BRD1: variants seen among roughly 807,000 people sequenced by gnomAD.
The protein encoded by BRD1 is bromodomain containing 1.
In BRD1, 24 loss-of-function variants were observed where a neutral mutation model predicts 107.7. The observed-to-expected ratio is 0.22, with a 90% CI of 0.16 to 0.31. The LOEUF is 0.31. Among genes scored for constraint, BRD1 ranks in the 10% least tolerant of loss-of-function variants. The probability of loss-of-function intolerance (pLI) is 1.00; values close to 1 mark genes in which losing one functional copy is unlikely to be tolerated. For missense variants in BRD1, 1,279 were observed against 1,638.6 expected, an observed-to-expected ratio of 0.78 and a Z score of 3.79; for synonymous variants, 744 against 686.1, an observed-to-expected ratio of 1.08 and a Z score of -1.32.
chr22:49,787,252 T>C (rs914278620), intron 8 of BRD1, 138 bp downstream of exon 8: 1 of 1,208,300 alleles, frequency 8.3e-7, no homozygotes, highest in African/African-American at 1.6e-5. Context: ...ACTGCACTGT[T>C]GTCTTCTCTG....
chr22:49,816,338 G>A (rs960967675), intron 2 of BRD1, among the ~76,000 whole-genome samples: 9 of 151,936 alleles, frequency 5.9e-5, no homozygotes, highest in Admixed American at 2.0e-4. Context: ...GCAAGACCCC[G>A]CCTCAATTAA....
chr22:49,818,475 T>C, intron 2 of BRD1: 1 of 846,076 alleles, frequency 1.2e-6, no homozygotes, highest in Non-Finnish European at 1.5e-6. Context: ...GTTTGTCTTT[T>C]CACCCCATGT....
chr22:49,826,765 A>G (rs2060152213), intron 1 of BRD1, among the ~76,000 whole-genome samples: 1 of 152,158 alleles, frequency 6.6e-6, no homozygotes. Context: ...CAGACCCTCA[A>G]AAACAGACAC....
chr22:49,815,760 C>T (rs1034867661), intron 2 of BRD1, among the ~76,000 whole-genome samples: 11 of 152,204 alleles, frequency 7.2e-5, no homozygotes, highest in Non-Finnish European at 1.6e-4. Context: ...TACAGGAGAG[C>T]AGGCGCTCCT....
intron 2 of BRD1, among the ~76,000 whole-genome samples, chr22:49,816,516 C>T (rs887847578): frequency 1.4e-4 from 22 of 152,260 alleles, no homozygotes; most frequent in African/African-American, 4.6e-4. Flanking sequence ...AGGGAGACAA[C>T]GCCTCCCGAC....
intron 4 of BRD1, 140 bp from the exon 5 acceptor site, chr22:49,798,826 G>A (rs2059585939): frequency 1.4e-6 from 2 of 1,431,684 alleles, no homozygotes; most frequent in South Asian, 1.5e-5. Flanking sequence ...TCCACTTAGG[G>A]CTCTGCAACC....
intron 8 of BRD1, among the ~76,000 whole-genome samples, chr22:49,784,157 C>T (rs1398784935): frequency 6.7e-6 from 1 of 149,928 alleles, no homozygotes; most frequent in African/African-American, 2.5e-5. Flanking sequence ...GACATCCCCA[C>T]ACTCTCAAGC....
chr22:49,789,935 C>T (rs540863963), intron 7 of BRD1, among the ~76,000 whole-genome samples: 2 of 152,348 alleles, frequency 1.3e-5, no homozygotes, highest in Admixed American at 6.5e-5. Context: ...ACTTCCCTAA[C>T]CCCTGGTCTA....
At chr22:49,797,283 C>T (rs1209529015) in intron 6 of BRD1, among the ~76,000 whole-genome samples, 1 of 152,228 alleles carries the variant, frequency 6.6e-6, no homozygotes, top group Admixed American at 6.5e-5. Context: ...CTACAACATG[C>T]GCAAACCACG....
At position 49,774,155 on chromosome 22, in the gene BRD1, AAGTT is replaced by A. The variant is rs2059035726; in HGVS notation, c.*74_*77del. 6.9e-7 allele frequency: 1 copy of A among 1,443,710 alleles called. No individual in the cohort carries two copies. Among genetic ancestry groups the A allele is most frequent in the Non-Finnish European group, 9.2e-7 (1 of 1,087,874 alleles). The allele number at this position is 1,443,710 out of a possible 1,614,324, so 89.4% of individuals were successfully genotyped here. A position where few individuals can be genotyped will look rare whatever the true frequency, so the allele number is the denominator to read the frequency against. On this transcript the variant is annotated 3_prime_UTR_variant, in exon 13 of 13. Transcript: ENST00000404760. ...AAGAGCTATAACTAAAAATCAGAAT[AAGTT>A]AAGTTTTGAACAATATACAAACATG...
At chr22:49,780,723 C>T (rs2059190835) in intron 8 of BRD1, among the ~76,000 whole-genome samples, 2 of 152,272 alleles carry the variant, frequency 1.3e-5, no homozygotes, top group African/African-American at 2.4e-5. Flanking sequence ...CTCTCAATCT[C>T]GGCCCTGCCA....
chr22:49,809,101 A>G (rs1016203445), intron 2 of BRD1, among the ~76,000 whole-genome samples: 3 of 150,146 alleles, frequency 2.0e-5, no homozygotes, highest in Admixed American at 2.0e-4. Flanking sequence ...CCTGGGCAAC[A>G]TAGCAAGACT....
rs887649608 is a variant in BRD1, at chr22:49,798,069, T to C, written c.1834A>G (p.Met612Val). The change falls in exon 6 of 13, where the codon ATG (methionine) becomes GTG (valine). Residue 612 changes from methionine to valine, a missense_variant. Coordinates refer to ENST00000404760, the MANE Select transcript of BRD1 (RefSeq NM_001304808.3). ...HIKHPMDFATMRKRLEAQGYK... is the reference protein window; with the variant it reads ...HIKHPMDFATVRKRLEAQGYK... ...CCTTGAGCTTCTAACCGTTTCCTCA[T>C]TGTGGCAAAGTCCATGGGATGTTTA... 6.2e-7 allele frequency: 1 copy of C among 1,613,896 alleles called. No individual in the cohort carries two copies. Among genetic ancestry groups the C allele is most frequent in the Non-Finnish European group, 8.5e-7 (1 of 1,179,850 alleles).
In BRD1 at chr22:49,774,000, G is replaced by A. The variant is rs186733349; in HGVS notation, c.*233C>T. On this transcript the variant is annotated 3_prime_UTR_variant, in exon 13 of 13. Coordinates refer to ENST00000404760, the MANE Select transcript of BRD1 (RefSeq NM_001304808.3). Reference sequence around the variant, plus strand: ...TCAAAGAAAGTGACGCCAGCAGCACGGCCTGGGGACGTGCGACAGACGCAC... The same window carrying A: ...TCAAAGAAAGTGACGCCAGCAGCACAGCCTGGGGACGTGCGACAGACGCAC... 8.8e-4 allele frequency: 361 copies of A among 409,980 alleles called. 1 individual carries two copies. The highest frequency in any genetic ancestry group is 6.8e-3 in the African/African-American group (331 of 48,796). 25.4% of individuals were successfully genotyped at this position (409,980 alleles called of 1,614,324 possible).
At chr22:49,826,070 G>T in intron 1 of BRD1, 1 of 682,612 alleles carries the variant, frequency 1.5e-6, no homozygotes, top group Non-Finnish European at 1.8e-6. Flanking sequence ...ACCACAGCCT[G>T]CAGAGAGCGA....
chr22:49,804,118 C>A, intron 3 of BRD1, 86 bp downstream of exon 3: 1 of 1,280,650 alleles, frequency 7.8e-7, no homozygotes, highest in Non-Finnish European at 1.0e-6. Flanking sequence ...GGGGGCAGCA[C>A]CGTGACCAGC....
intron 2 of BRD1, among the ~76,000 whole-genome samples, chr22:49,818,757 G>A (rs2060005181): frequency 6.6e-6 from 1 of 151,766 alleles, no homozygotes; most frequent in African/African-American, 2.4e-5. Context: ...GTGGTGGTGG[G>A]CGCCTGTGGT....
At chr22:49,797,069 A>G (rs1457372947) in intron 6 of BRD1, among the ~76,000 whole-genome samples, 1 of 152,198 alleles carries the variant, frequency 6.6e-6, no homozygotes, top group African/African-American at 2.4e-5. Flanking sequence ...TTGACAACCC[A>G]TGTGGGCAGG....
At position 49,824,755 on chromosome 22, in the gene BRD1, G is replaced by A; in HGVS notation, c.-14-424C>T. 3.9e-6 allele frequency: 4 copies of A among 1,034,022 alleles called. No homozygotes were observed. Among genetic ancestry groups the A allele is most frequent in the Non-Finnish European group, 4.7e-6 (4 of 858,258 alleles). 64.1% of individuals were successfully genotyped at this position (1,034,022 alleles called of 1,614,324 possible). A position where few individuals can be genotyped will look rare whatever the true frequency, so the allele number is the denominator to read the frequency against. The stretch of plus-strand genomic sequence containing the variant: ...GGGCTGGACCCCACCAGGCACAGAG[G>A]CTATGCCCACCAGACAGGCATGCTC... On this transcript the variant is annotated intron_variant, in intron 1 of 12. Coordinates refer to ENST00000404760, the MANE Select transcript of BRD1 (RefSeq NM_001304808.3). The surrounding 1 kb of genome is among the most constrained non-coding windows in gnomAD (Gnocchi z 5.9).
Sources: gnomAD v4.1 joint callset for allele counts (sites outside exome capture counted in the v4.1 genomes callset) on GRCh38, gnomAD v4.1.1 for gene constraint, Gnocchi (gnomAD v3.1) non-coding constraint, MANE v1.5 for transcripts, NCBI Gene and HGNC (gene_info 2026-07-23, HGNC 2026-07-21) for gene names.